CAMK1D: variants seen among roughly 807,000 people sequenced by gnomAD.
The protein encoded by CAMK1D is calcium/calmodulin dependent protein kinase ID, also known as calcium/calmodulin-dependent protein kinase type 1D.
CAMK1D carries 9 observed loss-of-function variants against 47.7 expected under a neutral mutation model. The ratio of observed to expected loss-of-function variants is 0.19; its 90% CI spans 0.11 to 0.33. The LOEUF (loss-of-function observed/expected upper bound fraction) is 0.33. CAMK1D is among the 10% of genes least tolerant of loss of function. CAMK1D has a pLI of 1.00. For missense variants in CAMK1D, 291 were observed against 488.7 expected, an observed-to-expected ratio of 0.60 and a Z score of 3.81; for synonymous variants, 184 against 184.9, an observed-to-expected ratio of 0.99 and a Z score of 0.04.
At chr10:12,489,634 C>T (rs765079519) in intron 1 of CAMK1D, among the ~76,000 whole-genome samples, 4 of 152,168 alleles carry the variant, frequency 2.6e-5, no homozygotes, top group Non-Finnish European at 4.4e-5. Context: ...CTGTGCAGCT[C>T]GTTCCTAACC....
At chr10:12,797,196 CTTT>C (rs66641899) in intron 6 of CAMK1D, among the ~76,000 whole-genome samples, 1 of 137,518 alleles carries the variant, frequency 7.3e-6, no homozygotes, top group Non-Finnish European at 1.6e-5. Flanking sequence ...TGACCAGTTC[CTTT>C]TTTTTTTTTT....
chr10:12,627,751 C>A (rs1386848822), intron 2 of CAMK1D, among the ~76,000 whole-genome samples: 1 of 151,982 alleles, frequency 6.6e-6, no homozygotes, highest in Non-Finnish European at 1.5e-5. Context: ...ATAAATGTAA[C>A]ACGAGGTGTT....
At chr10:12,599,830 A>T (rs1396737560) in intron 2 of CAMK1D, among the ~76,000 whole-genome samples, 1 of 152,260 alleles carries the variant, frequency 6.6e-6, no homozygotes, top group Non-Finnish European at 1.5e-5. Context: ...GCAGAATTGT[A>T]TAAATCCCTT....
At chr10:12,603,968 C>T (rs1224747061) in intron 2 of CAMK1D, among the ~76,000 whole-genome samples, 4 of 152,200 alleles carry the variant, frequency 2.6e-5, no homozygotes, top group Non-Finnish European at 4.4e-5. Flanking sequence ...AAGCCCTTAT[C>T]TACCTGAAAA....
At chr10:12,548,447 C>CTTTTTTTTTT (rs35061502) in intron 1 of CAMK1D, among the ~76,000 whole-genome samples, 7 of 81,198 alleles carry the variant, frequency 8.6e-5, no homozygotes, top group Non-Finnish European at 1.1e-4. Flanking sequence ...CCATTTTAAG[C>CTTTTTTTTTT]TTTTTTTTTT....
At chr10:12,688,707 A>T (rs1190414012) in intron 3 of CAMK1D, among the ~76,000 whole-genome samples, 2 of 151,600 alleles carry the variant, frequency 1.3e-5, no homozygotes, top group African/African-American at 4.9e-5. Context: ...TTTTTGTGAC[A>T]GAGTTTCGCT....
chr10:12,420,415 T>G (rs1404914540), intron 1 of CAMK1D, among the ~76,000 whole-genome samples: 1 of 152,250 alleles, frequency 6.6e-6, no homozygotes, highest in Non-Finnish European at 1.5e-5. Flanking sequence ...CTTTATGAAT[T>G]ATTTTGTTTT....
At chr10:12,811,022 C>T (rs1832582808) in intron 6 of CAMK1D, among the ~76,000 whole-genome samples, 1 of 152,194 alleles carries the variant, frequency 6.6e-6, no homozygotes, top group Non-Finnish European at 1.5e-5. Context: ...TGTAAGAGTT[C>T]TTCCTAGAAG....
intron 2 of CAMK1D, among the ~76,000 whole-genome samples, chr10:12,609,286 C>A (rs1838555709): frequency 6.6e-6 from 1 of 152,074 alleles, no homozygotes; most frequent in South Asian, 2.1e-4. Context: ...CATCGCTCCC[C>A]AATCTTTTGG....
intron 1 of CAMK1D, among the ~76,000 whole-genome samples, chr10:12,407,231 T>C (rs1027849280): frequency 1.3e-4 from 20 of 152,210 alleles, no homozygotes; most frequent in African/African-American, 4.8e-4. Flanking sequence ...GCAGGAGGCC[T>C]GGCAGGGCGG....
At chr10:12,666,571 G>A (rs1840437148) in intron 2 of CAMK1D, among the ~76,000 whole-genome samples, 165 bp from the exon 3 acceptor site, 1 of 152,228 alleles carries the variant, frequency 6.6e-6, no homozygotes, top group African/African-American at 2.4e-5. Flanking sequence ...GGACTGTTAG[G>A]AAATGGGTCT....
intron 2 of CAMK1D, among the ~76,000 whole-genome samples, chr10:12,644,552 G>A (rs1307909770): frequency 6.6e-6 from 1 of 152,120 alleles, no homozygotes; most frequent in Non-Finnish European, 1.5e-5. Flanking sequence ...ACTGCACCTG[G>A]CGATGCTTAG....
intron 2 of CAMK1D, among the ~76,000 whole-genome samples, chr10:12,632,535 C>G (rs146950151): frequency 5.9e-5 from 9 of 152,294 alleles, no homozygotes; most frequent in African/African-American, 2.2e-4. Flanking sequence ...TCTGATTTAG[C>G]TGTTTTCTCC....
chr10:12,418,105 T>C (rs1319431784), intron 1 of CAMK1D, among the ~76,000 whole-genome samples: 1 of 152,220 alleles, frequency 6.6e-6, no homozygotes, highest in Non-Finnish European at 1.5e-5. Context: ...CTGGCCTCGA[T>C]GCTCTTTAAA....
intron 1 of CAMK1D, among the ~76,000 whole-genome samples, chr10:12,502,525 C>T (rs376155817): frequency 6.6e-6 from 1 of 152,162 alleles, no homozygotes; most frequent in Admixed American, 6.5e-5. Context: ...CTCAGCAGCC[C>T]CGCAAGGCAG....
chr10:12,785,509 C>T (rs1180108814), intron 5 of CAMK1D, among the ~76,000 whole-genome samples: 1 of 152,178 alleles, frequency 6.6e-6, no homozygotes. Context: ...GACTAGGAAG[C>T]TCTCGGGTAT....
intron 3 of CAMK1D, among the ~76,000 whole-genome samples, chr10:12,734,578 A>G (rs534180382): frequency 6.7e-6 from 1 of 148,532 alleles, no homozygotes; most frequent in African/African-American, 2.5e-5. Flanking sequence ...GTGTATATAT[A>G]TATATAGACA....
At chr10:12,681,782 T>G (rs1476709150) in intron 3 of CAMK1D, among the ~76,000 whole-genome samples, 1 of 152,208 alleles carries the variant, frequency 6.6e-6, no homozygotes, top group African/African-American at 2.4e-5. Flanking sequence ...AAATCTTTAA[T>G]CAAAGTATTC....
intron 2 of CAMK1D, 93 bp from the exon 3 acceptor site, chr10:12,666,643 T>C (rs986673474): frequency 3.0e-6 from 3 of 996,584 alleles, no homozygotes; most frequent in Non-Finnish European, 4.7e-6. Context: ...GTTTGGATTC[T>C]GTTTTGTAAC....
Sources: allele counts gnomAD v4.1 joint callset (sites outside exome capture counted in the v4.1 genomes callset), GRCh38; gene constraint gnomAD v4.1.1; transcripts MANE v1.5; gene names NCBI Gene and HGNC (gene_info 2026-07-23, HGNC 2026-07-21).